NCBP3: variants seen among roughly 807,000 people sequenced by gnomAD.
The protein encoded by NCBP3 is nuclear cap-binding protein subunit 3.
In NCBP3, 20 loss-of-function variants were observed where a neutral mutation model predicts 75.7. That is an observed-to-expected ratio of 0.26 (90% CI 0.19 to 0.38). NCBP3 has a LOEUF of 0.38. Among genes scored for constraint, NCBP3 ranks in the 10% least tolerant of loss-of-function variants. The probability of loss-of-function intolerance (pLI) is 1.00; values close to 1 mark genes in which losing one functional copy is unlikely to be tolerated. For synonymous variants in NCBP3, 293 were observed against 290.5 expected, an observed-to-expected ratio of 1.01 and a Z score of -0.09; for missense variants, 678 against 796.9, an observed-to-expected ratio of 0.85 and a Z score of 1.80.
intron 9 of NCBP3, among the ~76,000 whole-genome samples, chr17:3,821,000 AGTTTT>A (rs2053652279): frequency 6.6e-6 from 1 of 152,084 alleles, no homozygotes; most frequent in Non-Finnish European, 1.5e-5. Context: ...TCCTAAGGAA[AGTTTT>A]GTTTTAATTT....
chr17:3,825,108 G>T lies in NCBP3; in HGVS notation c.688-58C>A. ...TTAAAGTCCTTTTGATATTTCTTCA[G>T]TAGTAAAGCTACCATTAAGAAAAGC... is the stretch of plus-strand genomic sequence containing the variant. On this transcript the variant is annotated intron_variant, in intron 6 of 12. Transcript: ENST00000389005. 5 of 914,184 alleles carry T rather than the reference G, an allele frequency of 5.5e-6. 1 individual carries two copies. Among genetic ancestry groups the T allele is most frequent in the Admixed American group, 5.5e-5 (2 of 36,260 alleles). The allele number at this position is 914,184 out of a possible 1,614,324, so 56.6% of individuals were successfully genotyped here.
At position 3,811,602 on chromosome 17, in the gene NCBP3, T is replaced by G. The variant is rs1451707601; in HGVS notation, c.*1442A>C. 1 of 152,256 alleles carries G rather than the reference T, an allele frequency of 6.6e-6. No homozygotes were observed. Among genetic ancestry groups the G allele is most frequent in the Non-Finnish European group, 1.5e-5 (1 of 68,056 alleles). The allele number at this position is 152,256 out of a possible 1,614,324, so 9.4% of individuals were successfully genotyped here. ...TGTTCTGCATTAATTCGTGCCACAG[T>G]GTAATCAACTATCAATGTGACCATT... is the stretch of plus-strand genomic sequence containing the variant. On this transcript the variant is annotated 3_prime_UTR_variant, in exon 13 of 13. Coordinates refer to ENST00000389005, the MANE Select transcript of NCBP3 (RefSeq NM_001114118.3).
At chr17:3,835,177 A>T (rs2053952372) in intron 3 of NCBP3, among the ~76,000 whole-genome samples, 2 of 152,246 alleles carry the variant, frequency 1.3e-5, no homozygotes, top group African/African-American at 4.8e-5. Context: ...GAAATCAACA[A>T]GATGTAATTT....
chr17:3,822,061 T>C lies in NCBP3; in HGVS notation c.797-9A>G, dbSNP rs923929384. 1.9e-6 allele frequency: 3 copies of C among 1,545,454 alleles called. No individual in the cohort carries two copies. Among genetic ancestry groups the C allele is most frequent in the Non-Finnish European group, 2.7e-6 (3 of 1,121,266 alleles). On this transcript the variant is annotated splice_polypyrimidine_tract_variant and intron_variant, in intron 7 of 12. Transcript: ENST00000389005. Reference sequence around the variant, plus strand: ...AAGTTCCTTTTTGTCATCTAAAAATTAATGACAATAGTTACCTAGGATTTC... The same window carrying C: ...AAGTTCCTTTTTGTCATCTAAAAATCAATGACAATAGTTACCTAGGATTTC...
At chr17:3,824,387 CAT>C (rs2053735838) in intron 7 of NCBP3, 5 of 151,866 alleles carry the variant, frequency 3.3e-5, no homozygotes, top group East Asian at 3.9e-4. Context: ...CACACATATA[CAT>C]ACACACACAT....
At chr17:3,823,526 T>G (rs976389236) in intron 7 of NCBP3, among the ~76,000 whole-genome samples, 1 of 152,192 alleles carries the variant, frequency 6.6e-6, no homozygotes, top group Admixed American at 6.5e-5. Flanking sequence ...GAAGCTCTGA[T>G]GAGCAAGAGG....
chr17:3,840,341 G>A (rs2143713445), intron 2 of NCBP3, 136 bp from the exon 3 acceptor site: 2 of 679,518 alleles, frequency 2.9e-6, no homozygotes, highest in Admixed American at 5.1e-5. Flanking sequence ...AATCAGTCTG[G>A]CAGAGACCTG....
intron 3 of NCBP3, among the ~76,000 whole-genome samples, chr17:3,834,112 GAA>G (rs1302779172): frequency 6.6e-6 from 1 of 152,186 alleles, no homozygotes; most frequent in African/African-American, 2.4e-5. Flanking sequence ...CTAGAAAAGA[GAA>G]GGTAGCGAAT....
Position 3,825,857 on chromosome 17 carries a change from T to C in NCBP3, c.611-14A>G. The C allele has an allele frequency of 3.2e-6, 5 of 1,543,360 alleles. No homozygotes were observed. Among genetic ancestry groups the C allele is most frequent in the South Asian group, 1.2e-5 (1 of 83,680 alleles). On this transcript the variant is annotated splice_polypyrimidine_tract_variant and intron_variant, in intron 5 of 12. Coordinates refer to ENST00000389005, the MANE Select transcript of NCBP3 (RefSeq NM_001114118.3). ...CTTCCTGCTTGTCTAAAATGGAATG[T>C]GAAGGACAAGATGAAACAAGATAAA...
chr17:3,838,974 A>G (rs2143709890), intron 3 of NCBP3, among the ~76,000 whole-genome samples: 1 of 152,334 alleles, frequency 6.6e-6, no homozygotes, highest in East Asian at 1.9e-4. Context: ...GGCCTTTAAC[A>G]TGCATTCAGA....
intron 4 of NCBP3, among the ~76,000 whole-genome samples, 164 bp from the exon 5 acceptor site, chr17:3,826,379 A>C (rs1331001501): frequency 6.6e-6 from 1 of 152,148 alleles, no homozygotes; most frequent in Non-Finnish European, 1.5e-5. Context: ...AGGCATGGTG[A>C]CTCACACCTA....
rs1280923444 is a variant in NCBP3 at position 3,809,918 on chromosome 17, G to A, written c.*3126C>T. 6.6e-6 allele frequency: 1 copy of A among 152,142 alleles called. No homozygotes were observed. The highest frequency in any genetic ancestry group is 2.4e-5 in the African/African-American group (1 of 41,432). The allele number at this position is 152,142 out of a possible 1,614,324, so 9.4% of individuals were successfully genotyped here. On this transcript the variant is annotated 3_prime_UTR_variant, in exon 13 of 13. Transcript: ENST00000389005. ...GAAGCCAGTCACAAATAGACACATA[G>A]TATATGATCCCATTTATATGAACTA...
At position 3,808,312 on chromosome 17, in the gene NCBP3, T is replaced by C. The variant is rs2053358007; in HGVS notation, c.*4732A>G. ...GGGACCTCAAGATGTTGGTCTTCAA[T>C]AGGGCACCTTCCTTAGATTTCTAAG... On this transcript the variant is annotated 3_prime_UTR_variant, in exon 13 of 13. Transcript: ENST00000389005. The C allele has an allele frequency of 6.6e-6, 1 of 152,236 alleles. No individual in the cohort carries two copies. The highest frequency in any genetic ancestry group is 2.4e-5 in the African/African-American group (1 of 41,458). 9.4% of individuals were successfully genotyped at this position (152,236 alleles called of 1,614,324 possible).
chr17:3,818,711 C>A lies in NCBP3; in HGVS notation c.1001-139G>T. ...ATTGGAGCACTATCTATAATAGTGC[C>A]AAATGGACATTACTCTGATACTGCA... is the stretch of plus-strand genomic sequence containing the variant. On this transcript the variant is annotated intron_variant, in intron 9 of 12. Transcript: ENST00000389005. This position sits in a 1 kb window ranked among gnomAD's most constrained non-coding sequence, Gnocchi z 4.7. 1 of 895,514 alleles carries A rather than the reference C, an allele frequency of 1.1e-6. No individual in the cohort carries two copies. The highest frequency in any genetic ancestry group is 1.7e-6 in the Non-Finnish European group (1 of 591,638). The allele number at this position is 895,514 out of a possible 1,614,324, so 55.5% of individuals were successfully genotyped here.
chr17:3,812,893 TAA>T lies in NCBP3; in HGVS notation c.*149_*150del. The stretch of plus-strand genomic sequence containing the variant: ...TGCCCTTGAAAATGTGTCACATTCT[TAA>T]GATGTCTTGCCGAAGTAGCAAGAGC... On this transcript the variant is annotated 3_prime_UTR_variant, in exon 13 of 13. Coordinates refer to ENST00000389005, the MANE Select transcript of NCBP3 (RefSeq NM_001114118.3). 1 of 1,453,342 alleles carries T rather than the reference TAA, an allele frequency of 6.9e-7. No homozygotes were observed. The highest frequency in any genetic ancestry group is 9.0e-7 in the Non-Finnish European group (1 of 1,106,632). The allele number at this position is 1,453,342 out of a possible 1,614,324, so 90.0% of individuals were successfully genotyped here. A position where few individuals can be genotyped will look rare whatever the true frequency, so the allele number is the denominator to read the frequency against.
chr17:3,841,676 T>TA lies in NCBP3; in HGVS notation c.249+1409dup. On this transcript the variant is annotated intron_variant, in intron 2 of 12. Coordinates refer to ENST00000389005, the MANE Select transcript of NCBP3 (RefSeq NM_001114118.3). ...AAACACAAGAGACACAGATAAACCA[T>TA]AAAAAGGTTAGCTGGGCATGATAGC... Among the ~76,000 whole-genome samples, 3 of 127,432 alleles carry TA rather than the reference T, an allele frequency of 2.4e-5. 1 individual carries two copies. In the East Asian group the frequency reaches 7.0e-4, roughly 30 times the overall value. The allele number at this position is 127,432 out of a possible 152,430, so 83.6% of individuals were successfully genotyped here.
chr17:3,821,813 T>C, intron 8 of NCBP3, 140 bp downstream of exon 8: 1 of 649,008 alleles, frequency 1.5e-6, no homozygotes, highest in South Asian at 2.0e-5. Flanking sequence ...TCCCCATCAT[T>C]TACCACATCT....
At chr17:3,836,571 T>C (rs1182774145) in intron 3 of NCBP3, among the ~76,000 whole-genome samples, 1 of 151,180 alleles carries the variant, frequency 6.6e-6, no homozygotes, top group African/African-American at 2.4e-5. Flanking sequence ...GAGAATCATT[T>C]GAACCCAGGA....
rs1406894689 is a variant in NCBP3 at position 3,812,050 on chromosome 17, C to T, written c.*994G>A. The T allele has an allele frequency of 6.6e-6, 1 of 151,742 alleles. No individual in the cohort carries two copies. Among genetic ancestry groups the T allele is most frequent in the Non-Finnish European group, 1.5e-5 (1 of 67,894 alleles). 9.4% of individuals were successfully genotyped at this position (151,742 alleles called of 1,614,324 possible). The stretch of plus-strand genomic sequence containing the variant: ...CATCTCAGATGGATGGATTTTTTTT[C>T]CTACTGGAGCCAAAAAACAAGCTGA... On this transcript the variant is annotated 3_prime_UTR_variant, in exon 13 of 13. Transcript: ENST00000389005.
Sources: gnomAD v4.1 joint callset for allele counts (sites outside exome capture counted in the v4.1 genomes callset) on GRCh38, gnomAD v4.1.1 for gene constraint, Gnocchi (gnomAD v3.1) non-coding constraint, MANE v1.5 for transcripts, NCBI Gene and HGNC (gene_info 2026-07-23, HGNC 2026-07-21) for gene names.